The following CFAP299 variants were observed in gnomAD, a reference collection of about 807,000 sequenced individuals.
CFAP299 encodes cilia and flagella associated protein 299.
A neutral mutation model predicts 27.0 loss-of-function variants in CFAP299; 21 were observed. The observed-to-expected ratio is 0.78, with a 90% CI of 0.55 to 1.12. The LOEUF is 1.12. CFAP299 is among the 50% of genes most tolerant of loss of function. The pLI, the probability that CFAP299 is intolerant of heterozygous loss-of-function variation, is 0.00. For missense variants in CFAP299, 310 were observed against 276.6 expected (o/e 1.12, Z -0.86); for synonymous variants, 104 against 98.1 (o/e 1.06, Z -0.36).
At chr4:80,697,493 A>C (rs1424217866) in intron 3 of CFAP299, among the ~76,000 whole-genome samples, 1 of 152,188 alleles carries the variant, frequency 6.6e-6, no homozygotes, top group East Asian at 1.9e-4. Context: ...CAAAGAAACA[A>C]ACTAAACAAA....
At chr4:80,402,462 T>C (rs567009102) in intron 2 of CFAP299, among the ~76,000 whole-genome samples, 2 of 152,300 alleles carry the variant, frequency 1.3e-5, no homozygotes, top group African/African-American at 4.8e-5. Context: ...GGATTTCCGC[T>C]TTTGCCTCTC....
chr4:80,917,982 C>A (rs191506868), intron 4 of CFAP299, among the ~76,000 whole-genome samples: 24 of 152,254 alleles, frequency 1.6e-4, no homozygotes, highest in Middle Eastern at 3.4e-3. Context: ...AGTTACCTGT[C>A]CAGATTAGTG....
intron 3 of CFAP299, among the ~76,000 whole-genome samples, chr4:80,849,437 T>G (rs1731373870): frequency 6.6e-6 from 1 of 152,146 alleles, no homozygotes. Context: ...TAAAAAGAAT[T>G]CCCTGAAATG....
rs575317589 is a variant in CFAP299 at position 80,560,519 on chromosome 4, C to A, written c.243-22574C>A. ...GCACTAAGTGGGCTTTTGGGGTCCCCGATTCCAGGACTTGACTTTTGGGTC... is the reference window on the plus strand; with the variant it reads ...GCACTAAGTGGGCTTTTGGGGTCCCAGATTCCAGGACTTGACTTTTGGGTC... On this transcript the variant is annotated intron_variant, in intron 2 of 5. Transcript: ENST00000358105. Among the ~76,000 whole-genome samples, 180 of 152,050 alleles carry A rather than the reference C, an allele frequency of 1.2e-3. 1 individual carries two copies. The highest frequency in any genetic ancestry group is 3.4e-3 in the Middle Eastern group (1 of 294).
chr4:80,355,451 G>A (rs867703561), intron 1 of CFAP299, among the ~76,000 whole-genome samples: 14 of 135,844 alleles, frequency 1.0e-4, no homozygotes, highest in African/African-American at 2.9e-4. Flanking sequence ...TCCGCCTCCC[G>A]GGTTCGAGCA....
chr4:80,894,712 C>G (rs973272050), intron 4 of CFAP299, among the ~76,000 whole-genome samples: 1 of 151,982 alleles, frequency 6.6e-6, no homozygotes, highest in East Asian at 1.9e-4. Context: ...AAAATGTAAC[C>G]ACTATCTCAA....
intron 2 of CFAP299, among the ~76,000 whole-genome samples, chr4:80,524,978 T>A (rs1180113820): frequency 6.6e-6 from 1 of 152,142 alleles, no homozygotes; most frequent in Non-Finnish European, 1.5e-5. Context: ...ACCATGTGTC[T>A]GTATGACAAG....
At chr4:80,417,665 G>A (rs1727082216) in intron 2 of CFAP299, among the ~76,000 whole-genome samples, 1 of 152,112 alleles carries the variant, frequency 6.6e-6, no homozygotes. Context: ...TACACTTTAT[G>A]CTGCATCTCA....
chr4:80,560,852 A>T (rs374466541), intron 2 of CFAP299, among the ~76,000 whole-genome samples: 1 of 151,996 alleles, frequency 6.6e-6, no homozygotes, highest in East Asian at 1.9e-4. Flanking sequence ...TGACTCCTGG[A>T]TGGTGTTTCT....
At chr4:80,909,586 T>C (rs1735366109) in intron 4 of CFAP299, among the ~76,000 whole-genome samples, 1 of 152,116 alleles carries the variant, frequency 6.6e-6, no homozygotes, top group Admixed American at 6.5e-5. Flanking sequence ...TCTAATATTT[T>C]CTAAACTTTC....
chr4:80,829,458 T>G (rs533910999), intron 3 of CFAP299, among the ~76,000 whole-genome samples: 18 of 152,148 alleles, frequency 1.2e-4, no homozygotes, highest in African/African-American at 4.3e-4. Context: ...AAATTGGAAC[T>G]CTTGTGCATT....
chr4:80,660,100 A>T (rs182551935), intron 3 of CFAP299, among the ~76,000 whole-genome samples: 1 of 152,280 alleles, frequency 6.6e-6, no homozygotes, highest in Admixed American at 6.5e-5. Flanking sequence ...TTTCTTACTC[A>T]GAAAAAAATT....
chr4:80,344,774 A>T lies in CFAP299; in HGVS notation c.111+8895A>T, dbSNP rs144861334. 3.4e-3 allele frequency among the ~76,000 whole-genome samples: 516 copies of T among 152,338 alleles called. 1 individual carries two copies. Among genetic ancestry groups the T allele is most frequent in the African/African-American group, 0.011 (460 of 41,580 alleles). On this transcript the variant is annotated intron_variant, in intron 1 of 5. Transcript: ENST00000358105. Reference sequence around the variant, plus strand: ...ACTGGCAAACTGAATCCAGCAGTACATAAGAAACCTTATCCATCACAGTCA... The same window carrying T: ...ACTGGCAAACTGAATCCAGCAGTACTTAAGAAACCTTATCCATCACAGTCA...
intron 2 of CFAP299, among the ~76,000 whole-genome samples, chr4:80,541,957 T>C (rs1320097551): frequency 1.3e-5 from 2 of 150,856 alleles, no homozygotes; most frequent in African/African-American, 2.4e-5. Flanking sequence ...ATGCTAAAAC[T>C]TAAAGTATAA....
chr4:80,864,521 TATATATAC>T (rs964295933), intron 3 of CFAP299, among the ~76,000 whole-genome samples: 23 of 147,512 alleles, frequency 1.6e-4, no homozygotes, highest in African/African-American at 5.7e-4. Context: ...TATATATACG[TATATATAC>T]ATATACGTAT....
chr4:80,385,274 A>G (rs186646225), intron 2 of CFAP299, among the ~76,000 whole-genome samples: 2 of 152,044 alleles, frequency 1.3e-5, no homozygotes, highest in African/African-American at 2.4e-5. Flanking sequence ...AACCATTTTC[A>G]TCTCCATTTC....
Position 80,381,741 on chromosome 4 carries a change from G to A in CFAP299, c.242+18857G>A, listed in dbSNP as rs76811852. Among the ~76,000 whole-genome samples, 1,115 of 152,010 alleles carry A rather than the reference G, an allele frequency of 7.3e-3. 50 individuals are homozygous for A. Among genetic ancestry groups the A allele is most frequent in the African/African-American group, 0.026 (1,078 of 41,366 alleles). Reference sequence around the variant, plus strand: ...TACATTTTTAAAATTCTTGTAAATCGCTAATCCAGTCAAACCAGTTGACTT... The same window carrying A: ...TACATTTTTAAAATTCTTGTAAATCACTAATCCAGTCAAACCAGTTGACTT... On this transcript the variant is annotated intron_variant, in intron 2 of 5. Transcript: ENST00000358105.
At chr4:80,490,494 C>T (rs1393723369) in intron 2 of CFAP299, among the ~76,000 whole-genome samples, 4 of 152,150 alleles carry the variant, frequency 2.6e-5, no homozygotes, top group Non-Finnish European at 5.9e-5. Context: ...CAGAAAGCTC[C>T]TCTGTCTTGT....
intron 2 of CFAP299, among the ~76,000 whole-genome samples, chr4:80,552,050 G>A (rs1017314786): frequency 1.3e-5 from 2 of 152,020 alleles, no homozygotes; most frequent in Non-Finnish European, 2.9e-5. Context: ...TGCCCGGCCC[G>A]AAAGCTTTTA....
Sources: gnomAD v4.1 joint callset for allele counts (sites outside exome capture counted in the v4.1 genomes callset) on GRCh38, gnomAD v4.1.1 for gene constraint, MANE v1.5 for transcripts, NCBI Gene and HGNC (gene_info 2026-07-23, HGNC 2026-07-21) for gene names.